The following KIF26B variants were observed in gnomAD, a reference collection of about 807,000 sequenced individuals.
KIF26B encodes the protein kinesin family member 26B, also known as kinesin-like protein KIF26B.
In KIF26B, 63 loss-of-function variants were observed where a neutral mutation model predicts 151.2. That is an observed-to-expected ratio of 0.42 (90% CI 0.34 to 0.51). KIF26B has a LOEUF of 0.51. Among genes scored for constraint, KIF26B ranks in the 20% least tolerant of loss-of-function variants. The probability of loss-of-function intolerance (pLI) is 0.07; values close to 1 mark genes in which losing one functional copy is unlikely to be tolerated. For missense variants in KIF26B, 2,813 were observed against 2,913.6 expected (o/e 0.97, Z 0.79); for synonymous variants, 1,357 against 1,262.1 (o/e 1.08, Z -1.59).
chr1:245,429,375 C>G (rs1482814213), intron 4 of KIF26B, among the ~76,000 whole-genome samples: 1 of 152,152 alleles, frequency 6.6e-6, no homozygotes, highest in Non-Finnish European at 1.5e-5. Context: ...TCCAGGCCTT[C>G]TGTGGCAATT....
At chr1:245,251,966 T>C (rs1015978943) in intron 2 of KIF26B, among the ~76,000 whole-genome samples, 3 of 152,156 alleles carry the variant, frequency 2.0e-5, no homozygotes, top group Non-Finnish European at 4.4e-5. Flanking sequence ...AAGGATAATT[T>C]ACATCTTTAC....
rs1669087234 is a variant in KIF26B at position 245,190,634 on chromosome 1, GTTTTGTTTTTT to G, written c.465+33956_465+33966del. On this transcript the variant is annotated intron_variant, in intron 2 of 14. Transcript: ENST00000407071. ...CCTATAAGTTTTCCCTGAATGTTTTGTTTTGTTTTTTTTTTTTTTTACATTTCTTACAGATG... is the reference window on the plus strand; with the variant it reads ...CCTATAAGTTTTCCCTGAATGTTTTGTTTTTTTTTACATTTCTTACAGATG... Among the ~76,000 whole-genome samples the G allele has an allele frequency of 3.7e-5, 4 of 106,866 alleles. No homozygotes were observed. In the East Asian group the frequency reaches 1.2e-3, roughly 31 times the overall value. The allele number at this position is 106,866 out of a possible 152,430, so 70.1% of individuals were successfully genotyped here. A position where few individuals can be genotyped will look rare whatever the true frequency, so the allele number is the denominator to read the frequency against.
rs1243758651 is a variant in KIF26B at position 245,516,976 on chromosome 1, G to A, written c.1167-23791G>A. Among the ~76,000 whole-genome samples the A allele has an allele frequency of 1.3e-5, 2 of 152,208 alleles. No homozygotes were observed. Among genetic ancestry groups the A allele is most frequent in the East Asian group, 1.9e-4 (1 of 5,186 alleles). On this transcript the variant is annotated intron_variant, in intron 4 of 14. Coordinates refer to ENST00000407071, the MANE Select transcript of KIF26B (RefSeq NM_018012.4). This position sits in a 1 kb window ranked among gnomAD's most constrained non-coding sequence, Gnocchi z 4.2. Reference sequence around the variant, plus strand: ...CTTTCACCCCCACCTGACCATGGTCGCAGTGGGGGGCTTTCTCTTGGTATT... The same window carrying A: ...CTTTCACCCCCACCTGACCATGGTCACAGTGGGGGGCTTTCTCTTGGTATT...
chr1:245,387,958 C>T (rs752869644), intron 3 of KIF26B, among the ~76,000 whole-genome samples: 3 of 152,174 alleles, frequency 2.0e-5, no homozygotes, highest in Non-Finnish European at 2.9e-5. Flanking sequence ...TGTTCTCATG[C>T]GTGCTTCTAT....
intron 5 of KIF26B, among the ~76,000 whole-genome samples, chr1:245,591,468 G>A (rs934519600): frequency 1.3e-5 from 2 of 152,128 alleles, no homozygotes; most frequent in African/African-American, 4.8e-5. Context: ...GTGGACAGAG[G>A]AGGTTAAACA....
At chr1:245,588,899 C>T (rs2103134530) in intron 5 of KIF26B, among the ~76,000 whole-genome samples, 1 of 152,244 alleles carries the variant, frequency 6.6e-6, no homozygotes, top group South Asian at 2.1e-4. Flanking sequence ...GACGTTCTTG[C>T]TCTTACTTAT....
rs1010049596 is a variant in KIF26B at position 245,606,616 on chromosome 1, C to T, written c.1558-1035C>T. 3.3e-5 allele frequency among the ~76,000 whole-genome samples: 5 copies of T among 152,198 alleles called. No individual in the cohort carries two copies. In the South Asian group the frequency reaches 6.2e-4, roughly 19 times the overall value. ...GTTCAGGGGAAATACAAAACATCAT[C>T]GAGAGCCTGGTCCCTGTCTAGGATT... is the stretch of plus-strand genomic sequence containing the variant. On this transcript the variant is annotated intron_variant, in intron 6 of 14. Coordinates refer to ENST00000407071, the MANE Select transcript of KIF26B (RefSeq NM_018012.4). The surrounding 1 kb of genome is among the most constrained non-coding windows in gnomAD (Gnocchi z 4.6).
rs540144913 is a variant in KIF26B at position 245,253,870 on chromosome 1, C to T, written c.465+97187C>T. 3.5e-3 allele frequency among the ~76,000 whole-genome samples: 450 copies of T among 128,398 alleles called. 3 individuals are homozygous for T. Among genetic ancestry groups the T allele is most frequent in the African/African-American group, 0.013 (438 of 33,350 alleles). 84.2% of individuals were successfully genotyped at this position (128,398 alleles called of 152,430 possible). A position where few individuals can be genotyped will look rare whatever the true frequency, so the allele number is the denominator to read the frequency against. ...TGCTGCGCAGGCTGGAGTGCAGTGGCGCGATCCCTGCTCACTGCCAGCTCC... is the reference window on the plus strand; with the variant it reads ...TGCTGCGCAGGCTGGAGTGCAGTGGTGCGATCCCTGCTCACTGCCAGCTCC... On this transcript the variant is annotated intron_variant, in intron 2 of 14. Coordinates refer to ENST00000407071, the MANE Select transcript of KIF26B (RefSeq NM_018012.4).
rs150548821 is a variant in KIF26B at position 245,562,069 on chromosome 1, C to T, written c.1350+21119C>T. 5.1e-4 allele frequency among the ~76,000 whole-genome samples: 77 copies of T among 152,238 alleles called. No individual in the cohort carries two copies. The East Asian group carries it at 0.011, about 22-fold the overall frequency. The stretch of plus-strand genomic sequence containing the variant: ...GGGGGCATCTTCAGTGTGTGCAGAT[C>T]AGACTCAGCACTGATACTCGTCCTC... On this transcript the variant is annotated intron_variant, in intron 5 of 14. Transcript: ENST00000407071.
chr1:245,161,839 C>T (rs1668534696), intron 2 of KIF26B, among the ~76,000 whole-genome samples: 2 of 152,214 alleles, frequency 1.3e-5, no homozygotes, highest in South Asian at 4.2e-4. Context: ...GTGAGAGGCA[C>T]CGGCTCGAGA....
At chr1:245,230,533 G>A (rs564484514) in intron 2 of KIF26B, among the ~76,000 whole-genome samples, 2 of 152,056 alleles carry the variant, frequency 1.3e-5, no homozygotes, top group South Asian at 4.2e-4. Context: ...ACCTGAGGTC[G>A]GGAGTTCAAG....
At chr1:245,461,033 T>C (rs1659636151) in intron 4 of KIF26B, among the ~76,000 whole-genome samples, 1 of 152,154 alleles carries the variant, frequency 6.6e-6, no homozygotes, top group African/African-American at 2.4e-5. Context: ...GCACAGGCGT[T>C]CTGGGGTGTA....
chr1:245,378,173 G>A (rs1673321763), intron 3 of KIF26B, among the ~76,000 whole-genome samples: 1 of 152,104 alleles, frequency 6.6e-6, no homozygotes, highest in Non-Finnish European at 1.5e-5. Flanking sequence ...TGATAATTTG[G>A]TCTGTATTTT....
chr1:245,234,251 C>G (rs576328486), intron 2 of KIF26B: 1 of 152,250 alleles, frequency 6.6e-6, no homozygotes, highest in South Asian at 2.1e-4. Flanking sequence ...GGAGGAAATT[C>G]TGAACTTTCT....
rs551875874 is a variant in KIF26B, at chr1:245,325,917, G to A, written c.466-40917G>A. 9.9e-5 allele frequency among the ~76,000 whole-genome samples: 15 copies of A among 152,178 alleles called. No individual in the cohort carries two copies. In the East Asian group the frequency reaches 1.2e-3, roughly 12 times the overall value. The stretch of plus-strand genomic sequence containing the variant: ...CTTGACCATCACCTCCCACTACTGC[G>A]TGTGAGGCTAAATGCTGCTCCCTCG... On this transcript the variant is annotated intron_variant, in intron 2 of 14. Transcript: ENST00000407071.
At chr1:245,577,488 G>A (rs969973830) in intron 5 of KIF26B, among the ~76,000 whole-genome samples, 14 of 152,354 alleles carry the variant, frequency 9.2e-5, no homozygotes, top group African/African-American at 3.4e-4. Flanking sequence ...GAGGGTTTAG[G>A]AGACAAAAGA....
chr1:245,513,227 G>GC (rs1660875787), intron 4 of KIF26B, among the ~76,000 whole-genome samples: 1 of 39,834 alleles, frequency 2.5e-5, no homozygotes, highest in African/African-American at 9.7e-5. Context: ...CAACCCCGCC[G>GC]CCCCCTCTAG....
chr1:245,175,987 GATATAGAT>G (rs938074099), intron 2 of KIF26B, among the ~76,000 whole-genome samples: 14 of 147,702 alleles, frequency 9.5e-5, no homozygotes, highest in East Asian at 2.0e-4. Flanking sequence ...TATATATATA[GATATAGAT>G]ATATAGATAT....
chr1:245,513,908 T>C (rs1202347164), intron 4 of KIF26B, among the ~76,000 whole-genome samples: 1 of 152,198 alleles, frequency 6.6e-6, no homozygotes, highest in Non-Finnish European at 1.5e-5. Context: ...TCATCTACAC[T>C]GCAGAGAACT....
Sources: allele counts gnomAD v4.1 joint callset (sites outside exome capture counted in the v4.1 genomes callset), GRCh38; gene constraint gnomAD v4.1.1; non-coding constraint Gnocchi (gnomAD v3.1); transcripts MANE v1.5; gene names NCBI Gene and HGNC (gene_info 2026-07-23, HGNC 2026-07-21).